The following CNTNAP2 variants were observed in gnomAD, a reference collection of about 807,000 sequenced individuals.
CNTNAP2 encodes contactin associated protein 2, also known as contactin-associated protein-like 2.
Under a neutral mutation model 155.2 loss-of-function variants are expected in CNTNAP2, and 98 were observed. The observed-to-expected ratio is 0.63, with a 90% CI of 0.54 to 0.75. The LOEUF (loss-of-function observed/expected upper bound fraction) is 0.75. CNTNAP2 is among the 30% of genes least tolerant of loss of function. CNTNAP2 has a pLI of 0.00. For missense variants in CNTNAP2, 1,727 were observed against 1,688.1 expected, an observed-to-expected ratio of 1.02 and a Z score of -0.40; for synonymous variants, 651 against 631.2, an observed-to-expected ratio of 1.03 and a Z score of -0.47.
chr7:147,767,100 TTAC>T (rs1797393197), intron 13 of CNTNAP2, among the ~76,000 whole-genome samples: 1 of 152,080 alleles, frequency 6.6e-6, no homozygotes, highest in Non-Finnish European at 1.5e-5. Context: ...TTTGAAATCA[TTAC>T]TACATTTTAA....
chr7:148,195,446 C>T lies in CNTNAP2; in HGVS notation c.3011-21842C>T, dbSNP rs145574845. Among the ~76,000 whole-genome samples the T allele has an allele frequency of 3.6e-3, 554 of 152,286 alleles. 4 individuals are homozygous for T. Among genetic ancestry groups the T allele is most frequent in the African/African-American group, 0.012 (515 of 41,552 alleles). ...AAAATATTGGTGAAAGTTATTTTCA[C>T]AGAAGTCTTAGTTGACCTTTCTCTG... On this transcript the variant is annotated intron_variant, in intron 18 of 23. Coordinates refer to ENST00000361727, the MANE Select transcript of CNTNAP2 (RefSeq NM_014141.6).
At chr7:146,234,724 T>G (rs920311488) in intron 1 of CNTNAP2, among the ~76,000 whole-genome samples, 1 of 152,220 alleles carries the variant, frequency 6.6e-6, no homozygotes, top group African/African-American at 2.4e-5. Flanking sequence ...TAGGGAATCC[T>G]TTCCCCATTA....
At chr7:147,544,239 A>G (rs1225578458) in intron 11 of CNTNAP2, among the ~76,000 whole-genome samples, 1 of 152,176 alleles carries the variant, frequency 6.6e-6, no homozygotes, top group Non-Finnish European at 1.5e-5. Flanking sequence ...GTTATGGCAC[A>G]TACAAACTGC....
chr7:147,282,375 G>C (rs909470041), intron 8 of CNTNAP2, among the ~76,000 whole-genome samples: 6 of 151,914 alleles, frequency 3.9e-5, no homozygotes, highest in Non-Finnish European at 8.8e-5. Flanking sequence ...GAAAGTCACT[G>C]TCATTGTGAG....
intron 13 of CNTNAP2, among the ~76,000 whole-genome samples, chr7:147,894,651 T>C (rs1799747110): frequency 6.6e-6 from 1 of 152,164 alleles, no homozygotes; most frequent in Non-Finnish European, 1.5e-5. Flanking sequence ...GGAGATTATA[T>C]ACCCTTGTGG....
intron 3 of CNTNAP2, among the ~76,000 whole-genome samples, chr7:147,004,721 A>G (rs879451134): frequency 3.9e-5 from 6 of 152,070 alleles, no homozygotes; most frequent in Non-Finnish European, 8.8e-5. Flanking sequence ...TAATTCACAT[A>G]TACTGATCTA....
intron 3 of CNTNAP2, among the ~76,000 whole-genome samples, chr7:146,913,800 G>T (rs1424858627): frequency 2.6e-5 from 4 of 151,794 alleles, no homozygotes; most frequent in Non-Finnish European, 4.4e-5. Context: ...GTGGTGTTTG[G>T]TGACATGAAC....
At chr7:147,960,077 C>G (rs1377437995) in intron 14 of CNTNAP2, among the ~76,000 whole-genome samples, 1 of 152,124 alleles carries the variant, frequency 6.6e-6, no homozygotes, top group African/African-American at 2.4e-5. Context: ...ACATCCTTGG[C>G]AAGCCACCTA....
At chr7:147,143,220 C>T (rs1157967243) in intron 8 of CNTNAP2, among the ~76,000 whole-genome samples, 1 of 152,088 alleles carries the variant, frequency 6.6e-6, no homozygotes, top group Non-Finnish European at 1.5e-5. Context: ...AAGTCCATTC[C>T]ACACATTTCC....
chr7:147,602,067 C>T (rs1800958230), intron 12 of CNTNAP2, among the ~76,000 whole-genome samples: 1 of 152,008 alleles, frequency 6.6e-6, no homozygotes, highest in Non-Finnish European at 1.5e-5. Flanking sequence ...ATCAAGAGGT[C>T]CAAATGTCTA....
At chr7:146,643,134 C>A (rs867350195) in intron 1 of CNTNAP2, among the ~76,000 whole-genome samples, 45 of 147,146 alleles carry the variant, frequency 3.1e-4, no homozygotes, top group African/African-American at 1.1e-3. Flanking sequence ...ATGGTAGTTT[C>A]TTTTGCTGTG....
intron 8 of CNTNAP2, among the ~76,000 whole-genome samples, chr7:147,165,151 A>AT (rs1410528196): frequency 8.6e-6 from 1 of 116,666 alleles, no homozygotes; most frequent in Non-Finnish European, 1.9e-5. Flanking sequence ...GGGATTTAAA[A>AT]TCCAAAGTAT....
chr7:146,653,504 T>C (rs1033514436), intron 1 of CNTNAP2, among the ~76,000 whole-genome samples: 2 of 152,174 alleles, frequency 1.3e-5, no homozygotes, highest in African/African-American at 4.8e-5. Context: ...TATTGACTCT[T>C]ACCAATACAT....
chr7:147,930,974 A>T (rs1800490590), intron 14 of CNTNAP2, among the ~76,000 whole-genome samples: 1 of 152,234 alleles, frequency 6.6e-6, no homozygotes, highest in Non-Finnish European at 1.5e-5. Flanking sequence ...CAAAAGGGAA[A>T]TTAGAAAATG....
At chr7:148,211,203 T>C (rs1232356148) in intron 18 of CNTNAP2, among the ~76,000 whole-genome samples, 4 of 152,252 alleles carry the variant, frequency 2.6e-5, no homozygotes, top group African/African-American at 4.8e-5. Context: ...GCAGCTCAGT[T>C]CTATGCCTCC....
At chr7:147,716,927 C>T (rs141282514) in intron 13 of CNTNAP2, among the ~76,000 whole-genome samples, 60 of 152,208 alleles carry the variant, frequency 3.9e-4, no homozygotes, top group African/African-American at 1.4e-3. Context: ...ACCCGGTGCT[C>T]AGCTTGAGGT....
At chr7:146,577,915 T>TA (rs988990796) in intron 1 of CNTNAP2, among the ~76,000 whole-genome samples, 3 of 151,994 alleles carry the variant, frequency 2.0e-5, no homozygotes, top group African/African-American at 7.2e-5. Context: ...TTGGGAGAGA[T>TA]AAGGACATGT....
chr7:148,213,184 TG>T (rs1795577890), intron 18 of CNTNAP2, among the ~76,000 whole-genome samples: 1 of 152,150 alleles, frequency 6.6e-6, no homozygotes, highest in Admixed American at 6.5e-5. Context: ...AAGTATCACC[TG>T]GGGACCTGCG....
At chr7:148,412,169 T>C (rs1799856398) in intron 23 of CNTNAP2, among the ~76,000 whole-genome samples, 1 of 152,174 alleles carries the variant, frequency 6.6e-6, no homozygotes. Flanking sequence ...CTCAATCTCC[T>C]GACCTTGTGA....
Sources: allele counts gnomAD v4.1 joint callset (sites outside exome capture counted in the v4.1 genomes callset), GRCh38; gene constraint gnomAD v4.1.1; transcripts MANE v1.5; gene names NCBI Gene and HGNC (gene_info 2026-07-23, HGNC 2026-07-21).